HNRNPA1L2: variants seen among roughly 807,000 people sequenced by gnomAD.
The protein encoded by HNRNPA1L2 is heterogeneous nuclear ribonucleoprotein A1-like 2.
In HNRNPA1L2, 10 loss-of-function variants were observed where a neutral mutation model predicts 18.2. That is an observed-to-expected ratio of 0.55 (90% CI 0.34 to 0.93). The LOEUF (loss-of-function observed/expected upper bound fraction) is 0.93. Among genes scored for constraint, HNRNPA1L2 ranks in the 40% least tolerant of loss-of-function variants. HNRNPA1L2 has a pLI of 0.02. For synonymous variants in HNRNPA1L2, 124 were observed against 138.6 expected (o/e 0.89, Z 0.74); for missense variants, 308 against 394.4 (o/e 0.78, Z 1.85).
chr13:52,637,995 T>G (rs1209465050), upstream of HNRNPA1L2, among the ~76,000 whole-genome samples: 5 of 152,286 alleles, frequency 3.3e-5, no homozygotes, highest in Middle Eastern at 3.4e-3. Flanking sequence ...TCTAAGATAA[T>G]TCTTATACAA....
At chr13:52,621,812 G>A in the HNRNPA1L2 span, among the ~76,000 whole-genome samples, 1 of 152,150 alleles carries the variant, frequency 6.6e-6, no homozygotes, top group African/African-American at 2.4e-5. Context: ...CATATTGCAC[G>A]AGGTTGAGGC....
chr13:52,632,285 A>G, the HNRNPA1L2 span: 1 of 152,236 alleles, frequency 6.6e-6, no homozygotes. Context: ...TCAGTCCTAA[A>G]AATGTGGCAA....
At chr13:52,625,176 G>T in the HNRNPA1L2 span, among the ~76,000 whole-genome samples, 2 of 151,472 alleles carry the variant, frequency 1.3e-5, no homozygotes, top group Non-Finnish European at 2.9e-5. Flanking sequence ...GTGCAGTGGT[G>T]TGATCTCGGC....
the HNRNPA1L2 span, among the ~76,000 whole-genome samples, chr13:52,623,321 C>G: frequency 6.6e-6 from 1 of 152,086 alleles, no homozygotes; most frequent in African/African-American, 2.4e-5. Flanking sequence ...CAGTAAAGGT[C>G]ACGTAAACAA....
rs775292974 is a variant in HNRNPA1L2 at position 52,642,578 on chromosome 13, G to C, written c.86G>C (p.Ser29Thr). ...GGLSFETTDE[S>T]LRSHFEQWGT... ...TTGAGCTTTGAAACAACTGATGAGA[G>C]CCTGAGGAGCCATTTTGAGCAATGG... Residue 29 changes from serine (S) to threonine (T), a missense_variant, in exon 1 of 1, where the codon AGC becomes ACC. Ser to Thr is a moderately conservative substitution (Grantham distance 58). Coordinates refer to ENST00000357495, the MANE Select transcript of HNRNPA1L2 (RefSeq NM_001389320.1). The C allele has an allele frequency of 2.6e-5, 42 of 1,611,804 alleles. 1 individual carries two copies.
the HNRNPA1L2 span, among the ~76,000 whole-genome samples, chr13:52,630,567 G>A: frequency 0.062 from 9,364 of 152,168 alleles, 332 homozygotes; most frequent in African/African-American, 0.095. Context: ...CACCACGCCC[G>A]GCCTAACCTG....
At chr13:52,637,659 C>A (rs1181561571), upstream of HNRNPA1L2, among the ~76,000 whole-genome samples, 3 of 152,086 alleles carry the variant, frequency 2.0e-5, no homozygotes, top group East Asian at 5.8e-4. Flanking sequence ...TTTCTTAGCT[C>A]TAACGGCGAT....
the HNRNPA1L2 span, among the ~76,000 whole-genome samples, chr13:52,626,395 A>G: frequency 6.6e-6 from 1 of 151,010 alleles, no homozygotes; most frequent in African/African-American, 2.4e-5. Context: ...CTTCGAGGCC[A>G]GACTTCACGA....
chr13:52,619,914 C>T, the HNRNPA1L2 span, among the ~76,000 whole-genome samples: 2 of 111,420 alleles, frequency 1.8e-5, no homozygotes, highest in Admixed American at 1.0e-4. Flanking sequence ...AGCGAGATTC[C>T]GTCTCAAAAA....
At chr13:52,619,991 G>A in the HNRNPA1L2 span, among the ~76,000 whole-genome samples, 1 of 150,114 alleles carries the variant, frequency 6.7e-6, no homozygotes, top group South Asian at 2.1e-4. Context: ...AATATTATGA[G>A]AGTCCTGTGT....
At chr13:52,640,687 A>G (rs151054958), upstream of HNRNPA1L2, 1,855 of 152,368 alleles carry the variant, frequency 0.012, 22 homozygotes, top group Non-Finnish European at 0.019. Flanking sequence ...CACTGGGGTT[A>G]ACCAGTGAAG....
At chr13:52,637,115 G>A in the HNRNPA1L2 span, among the ~76,000 whole-genome samples, 4 of 152,308 alleles carry the variant, frequency 2.6e-5, no homozygotes, top group Admixed American at 2.0e-4. Context: ...GAGCCACAGT[G>A]CCTGGCCTAG....
the HNRNPA1L2 span, among the ~76,000 whole-genome samples, chr13:52,625,939 G>C: frequency 6.6e-6 from 1 of 151,704 alleles, no homozygotes; most frequent in African/African-American, 2.4e-5. Context: ...ACCACTCCTG[G>C]CTAATTTTTT....
Position 52,643,623 on chromosome 13 carries a change from A to G in HNRNPA1L2, c.*168A>G. ...ATGTGTATGGGCAAAAAACTCGAGG[A>G]CTGTATTTGTGACTAATTGTATAAC... On this transcript the variant is annotated 3_prime_UTR_variant, in exon 1 of 1. Transcript: ENST00000357495. The G allele has an allele frequency of 1.6e-6, 1 of 631,022 alleles. No homozygotes were observed. Among genetic ancestry groups the G allele is most frequent in the Non-Finnish European group, 2.8e-6 (1 of 353,660 alleles). 39.1% of individuals were successfully genotyped at this position (631,022 alleles called of 1,614,324 possible). A position where few individuals can be genotyped will look rare whatever the true frequency, so the allele number is the denominator to read the frequency against.
At chr13:52,626,302 C>T in the HNRNPA1L2 span, among the ~76,000 whole-genome samples, 2 of 151,524 alleles carry the variant, frequency 1.3e-5, no homozygotes, top group Non-Finnish European at 2.9e-5. Context: ...TTAAAAATGT[C>T]GCAAATAGCC....
At chr13:52,624,743 C>T in the HNRNPA1L2 span, among the ~76,000 whole-genome samples, 4 of 152,036 alleles carry the variant, frequency 2.6e-5, no homozygotes, top group Admixed American at 6.6e-5. Flanking sequence ...AAAGTATTCT[C>T]GAGGGGCCTG....
At chr13:52,636,117 G>T in the HNRNPA1L2 span, among the ~76,000 whole-genome samples, 1 of 152,096 alleles carries the variant, frequency 6.6e-6, no homozygotes. Context: ...TTACAGCTGC[G>T]AGCTACCGTG....
At chr13:52,642,337 G>A, upstream of HNRNPA1L2, 1 of 968,948 alleles carries the variant, frequency 1.0e-6, no homozygotes, top group Non-Finnish European at 1.6e-6. Context: ...AAATGTTCAG[G>A]CCCATATGAA....
Position 52,643,205 on chromosome 13 carries a change from G to A in HNRNPA1L2, c.713G>A (p.Gly238Asp). ...GGCAGCTGTGGTGGTGGTGGATATG[G>A]TGGCAGTGGGGATGGCTATAATGGA... Reference protein sequence around the residue: ...FGGSCGGGGYGGSGDGYNGFG... With the variant: ...FGGSCGGGGYDGSGDGYNGFG... Residue 238 changes from glycine to aspartate, a missense_variant, in exon 1 of 1, where the codon GGT (glycine) becomes GAT (aspartate). Gly to Asp is a moderately conservative substitution (Grantham distance 94, BLOSUM62 -1). Coordinates refer to ENST00000357495, the MANE Select transcript of HNRNPA1L2 (RefSeq NM_001389320.1). The A allele has an allele frequency of 6.3e-7, 1 of 1,597,706 alleles. No individual in the cohort carries two copies. The highest frequency in any genetic ancestry group is 1.1e-5 in the South Asian group (1 of 90,998).
Sources: gnomAD v4.1 joint callset for allele counts (sites outside exome capture counted in the v4.1 genomes callset) on GRCh38, gnomAD v4.1.1 for gene constraint, MANE v1.5 for transcripts, NCBI Gene and HGNC (gene_info 2026-07-23, HGNC 2026-07-21) for gene names.